SERGEF: variants seen among roughly 807,000 people sequenced by gnomAD.
SERGEF encodes secretion regulating guanine nucleotide exchange factor, also known as secretion-regulating guanine nucleotide exchange factor.
A neutral mutation model predicts 50.0 loss-of-function variants in SERGEF; 51 were observed. That is an observed-to-expected ratio of 1.02 (90% CI 0.81 to 1.29). SERGEF has a LOEUF of 1.29. Among genes scored for constraint, SERGEF ranks in the 50% most tolerant of loss-of-function variants. The pLI, the probability that SERGEF is intolerant of heterozygous loss-of-function variation, is 0.00. For missense variants in SERGEF, 521 were observed against 557.0 expected (o/e 0.94, Z 0.65); for synonymous variants, 205 against 212.4 (o/e 0.97, Z 0.30).
chr11:17,932,028 T>C (rs1052335199), intron 9 of SERGEF, among the ~76,000 whole-genome samples: 5 of 149,446 alleles, frequency 3.3e-5, no homozygotes, highest in Admixed American at 6.8e-5. Flanking sequence ...GAACAGGTTT[T>C]TCAATGTATC....
intron 10 of SERGEF, among the ~76,000 whole-genome samples, chr11:17,877,287 G>A (rs998510724): frequency 9.2e-5 from 14 of 152,122 alleles, no homozygotes; most frequent in African/African-American, 3.1e-4. Context: ...AGAGCTGGAG[G>A]GAAACTTGGT....
intron 8 of SERGEF, among the ~76,000 whole-genome samples, chr11:17,970,772 T>A (rs1490010325): frequency 6.6e-6 from 1 of 152,108 alleles, no homozygotes; most frequent in East Asian, 1.9e-4. Context: ...GCCACAACAT[T>A]CTCTTAAGCC....
intron 10 of SERGEF, among the ~76,000 whole-genome samples, chr11:17,830,456 G>A (rs1442531929): frequency 6.6e-6 from 1 of 152,140 alleles, no homozygotes; most frequent in African/African-American, 2.4e-5. Flanking sequence ...TCTGGAGGCT[G>A]AGATGTCTAA....
chr11:18,008,072 G>C lies in SERGEF; in HGVS notation c.65C>G (p.Ala22Gly). 6.2e-7 allele frequency: 1 copy of C among 1,613,510 alleles called. No individual in the cohort carries two copies. Among genetic ancestry groups the C allele is most frequent in the Non-Finnish European group, 8.5e-7 (1 of 1,179,772 alleles). The change falls in exon 2 of 11, where the codon GCA becomes GGA. Residue 22 changes from alanine (A) to glycine (G), a missense_variant. By Grantham distance (60) the Ala-to-Gly change is moderately conservative. Coordinates refer to ENST00000265965, the MANE Select transcript of SERGEF (RefSeq NM_012139.4). ...GAGGCCAAGTTGCCCATAGCTATTT[G>C]CACCCTAGGGATGAATAAGCCAAGG... is the stretch of plus-strand genomic sequence containing the variant. ...PAAAALFAWGANSYGQLGLGH... is the reference protein window; with the variant it reads ...PAAAALFAWGGNSYGQLGLGH...
chr11:17,877,956 G>C (rs1851267738), intron 10 of SERGEF: 2 of 398,062 alleles, frequency 5.0e-6, no homozygotes, highest in Non-Finnish European at 8.9e-6. Flanking sequence ...TCTTTAATAT[G>C]CTCAAATGCC....
chr11:17,790,628 CT>C (rs1182920957), intron 10 of SERGEF, among the ~76,000 whole-genome samples: 1 of 152,164 alleles, frequency 6.6e-6, no homozygotes, highest in African/African-American at 2.4e-5. Context: ...TTGAACATAT[CT>C]CCTTGTACAA....
intron 9 of SERGEF, among the ~76,000 whole-genome samples, chr11:17,894,552 G>A (rs773927043): frequency 3.3e-5 from 5 of 152,080 alleles, no homozygotes; most frequent in African/African-American, 4.8e-5. Context: ...AAATTATATT[G>A]ATTATAACTT....
At chr11:17,866,094 A>G (rs1851017544) in intron 10 of SERGEF, among the ~76,000 whole-genome samples, 1 of 152,250 alleles carries the variant, frequency 6.6e-6, no homozygotes, top group Non-Finnish European at 1.5e-5. Context: ...CTCTGCCTTT[A>G]GCTGCTGTCT....
intron 10 of SERGEF, among the ~76,000 whole-genome samples, chr11:17,813,560 C>G (rs1485840994): frequency 6.6e-6 from 1 of 152,208 alleles, no homozygotes; most frequent in Non-Finnish European, 1.5e-5. Flanking sequence ...GTCCAGCTCT[C>G]TACTTCCAGG....
intron 9 of SERGEF, chr11:17,926,857 AT>A (rs1415420481): frequency 1.3e-5 from 6 of 456,048 alleles, no homozygotes; most frequent in South Asian, 9.3e-5. Context: ...CTGGCATGTA[AT>A]GGGCACACAA....
chr11:17,845,063 T>C (rs1243303402), intron 10 of SERGEF, among the ~76,000 whole-genome samples: 2 of 152,288 alleles, frequency 1.3e-5, no homozygotes, highest in Admixed American at 6.5e-5. Context: ...TGAGTGTAGG[T>C]AGGCCCTTCT....
intron 10 of SERGEF, among the ~76,000 whole-genome samples, chr11:17,860,601 T>C (rs1406874747): frequency 6.6e-6 from 1 of 152,208 alleles, no homozygotes; most frequent in Non-Finnish European, 1.5e-5. Context: ...CTAAGCCTTT[T>C]AGTATTTAGA....
chr11:18,005,080 T>A (rs1225383393), intron 3 of SERGEF, among the ~76,000 whole-genome samples: 1 of 152,214 alleles, frequency 6.6e-6, no homozygotes, highest in Non-Finnish European at 1.5e-5. Context: ...ACCACTGGCC[T>A]CATAATTAAT....
At chr11:17,896,155 C>T (rs559355796) in intron 9 of SERGEF, among the ~76,000 whole-genome samples, 5 of 152,102 alleles carry the variant, frequency 3.3e-5, no homozygotes, top group Non-Finnish European at 4.4e-5. Context: ...TTGGGGAGTA[C>T]ATTTTATTAA....
chr11:17,970,581 G>T (rs1387006631), intron 8 of SERGEF, among the ~76,000 whole-genome samples: 2 of 152,184 alleles, frequency 1.3e-5, no homozygotes, highest in Non-Finnish European at 2.9e-5. Flanking sequence ...TATGTCAAAA[G>T]CCAAGATAGG....
chr11:17,885,453 C>T (rs768242302), intron 9 of SERGEF, among the ~76,000 whole-genome samples: 1 of 151,954 alleles, frequency 6.6e-6, no homozygotes, highest in African/African-American at 2.4e-5. Flanking sequence ...TCCTGAGTAG[C>T]GAGGACTACA....
At chr11:17,930,872 T>C (rs1034836131) in intron 9 of SERGEF, among the ~76,000 whole-genome samples, 1 of 152,170 alleles carries the variant, frequency 6.6e-6, no homozygotes, top group South Asian at 2.1e-4. Context: ...GCTAGCTGCA[T>C]GTCAGTCAGC....
intron 4 of SERGEF, among the ~76,000 whole-genome samples, chr11:18,004,190 G>A (rs1328948826): frequency 1.3e-5 from 2 of 152,112 alleles, no homozygotes; most frequent in South Asian, 2.1e-4. Context: ...ATATCCTTAT[G>A]AGATGTATTA....
At chr11:17,964,852 A>G (rs1325324399) in intron 8 of SERGEF, among the ~76,000 whole-genome samples, 2 of 152,222 alleles carry the variant, frequency 1.3e-5, no homozygotes, top group Non-Finnish European at 2.9e-5. Context: ...GTGGACAGAG[A>G]CTTTATAAAA....
Sources: allele counts gnomAD v4.1 joint callset (sites outside exome capture counted in the v4.1 genomes callset), GRCh38; gene constraint gnomAD v4.1.1; transcripts MANE v1.5; gene names NCBI Gene and HGNC (gene_info 2026-07-23, HGNC 2026-07-21).